The following NOL4 variants were observed in gnomAD, a reference collection of about 807,000 sequenced individuals.
The protein encoded by NOL4 is nucleolar protein 4, also known as cancer/testis antigen 125.
In NOL4, 17 loss-of-function variants were observed where a neutral mutation model predicts 75.9. That is an observed-to-expected ratio of 0.22 (90% CI 0.15 to 0.34). NOL4 has a LOEUF of 0.34. NOL4 is among the 10% of genes least tolerant of loss of function. The pLI, the probability that NOL4 is intolerant of heterozygous loss-of-function variation, is 1.00. For synonymous variants in NOL4, 292 were observed against 289.9 expected, an observed-to-expected ratio of 1.01 and a Z score of -0.07; for missense variants, 614 against 793.5, an observed-to-expected ratio of 0.77 and a Z score of 2.72.
chr18:33,973,497 A>G (rs1188174187), intron 6 of NOL4, among the ~76,000 whole-genome samples: 1 of 152,174 alleles, frequency 6.6e-6, no homozygotes, highest in African/African-American at 2.4e-5. Flanking sequence ...GGAATACTGT[A>G]TTCTTTCCGG....
At chr18:34,141,515 T>C (rs1242924806) in intron 1 of NOL4, among the ~76,000 whole-genome samples, 2 of 152,148 alleles carry the variant, frequency 1.3e-5, no homozygotes, top group Non-Finnish European at 2.9e-5. Context: ...AACAGAGCCC[T>C]CATAAATAAT....
chr18:34,201,475 T>C (rs2035740152), intron 1 of NOL4, among the ~76,000 whole-genome samples: 2 of 151,862 alleles, frequency 1.3e-5, no homozygotes, highest in Admixed American at 1.3e-4. Context: ...AGGAATTATA[T>C]ATCCCAAGAG....
chr18:34,217,143 A>G (rs978072554), intron 1 of NOL4, among the ~76,000 whole-genome samples: 1 of 151,996 alleles, frequency 6.6e-6, no homozygotes, highest in Non-Finnish European at 1.5e-5. Context: ...TTTTCATTTA[A>G]CTTTTTTAAA....
intron 5 of NOL4, among the ~76,000 whole-genome samples, chr18:34,044,091 T>C (rs1473219151): frequency 6.6e-6 from 1 of 152,068 alleles, no homozygotes; most frequent in Non-Finnish European, 1.5e-5. Context: ...CTTAACTCTA[T>C]AAAAAATTGT....
intron 9 of NOL4, among the ~76,000 whole-genome samples, chr18:33,897,373 T>C (rs540938508): frequency 3.9e-5 from 6 of 152,304 alleles, no homozygotes; most frequent in Middle Eastern, 3.4e-3. Flanking sequence ...TAAATGCCCA[T>C]CAATGGCAGG....
chr18:34,022,531 C>T (rs2144509061), intron 5 of NOL4, among the ~76,000 whole-genome samples: 1 of 151,894 alleles, frequency 6.6e-6, no homozygotes, highest in South Asian at 2.1e-4. Context: ...CTTTTTATGC[C>T]AATTCAAATT....
intron 2 of NOL4, among the ~76,000 whole-genome samples, chr18:34,115,300 A>G (rs2079800569): frequency 6.6e-6 from 1 of 152,006 alleles, no homozygotes; most frequent in African/African-American, 2.4e-5. Flanking sequence ...CGAAAGAACT[A>G]CCTTGGGCCA....
rs563231672 is a variant in NOL4, at chr18:33,865,838, T to C, written c.1724-12803A>G. Among the ~76,000 whole-genome samples the C allele has an allele frequency of 3.5e-3, 526 of 152,308 alleles. 4 individuals are homozygous for C. Among genetic ancestry groups the C allele is most frequent in the African/African-American group, 0.012 (509 of 41,582 alleles). ...GTGCTTTCAAACACTTAACTCCTCC[T>C]GATGTCATTAAGTTTACACTTCTCT... On this transcript the variant is annotated intron_variant, in intron 10 of 10. Transcript: ENST00000261592.
At chr18:33,946,257 T>C (rs571522122) in intron 8 of NOL4, among the ~76,000 whole-genome samples, 15 of 151,744 alleles carry the variant, frequency 9.9e-5, no homozygotes, top group South Asian at 2.1e-4. Flanking sequence ...CAAATAGAAA[T>C]CCAGTACCAT....
At chr18:33,904,842 T>C (rs762018480) in intron 9 of NOL4, among the ~76,000 whole-genome samples, 5 of 152,178 alleles carry the variant, frequency 3.3e-5, no homozygotes, top group Admixed American at 1.3e-4. Context: ...CATCTATCCC[T>C]GATTTGAAGA....
At chr18:33,989,228 A>G (rs2072732801) in intron 6 of NOL4, among the ~76,000 whole-genome samples, 1 of 150,194 alleles carries the variant, frequency 6.7e-6, no homozygotes, top group African/African-American at 2.5e-5. Context: ...AATCATTGGC[A>G]AGTCATTCTG....
At chr18:34,180,790 T>C (rs1300949916) in intron 1 of NOL4, among the ~76,000 whole-genome samples, 3 of 151,358 alleles carry the variant, frequency 2.0e-5, no homozygotes, top group Non-Finnish European at 4.4e-5. Context: ...ATACTAGCAA[T>C]GAAAAATCTA....
chr18:34,008,361 C>T (rs1351081656), intron 6 of NOL4, among the ~76,000 whole-genome samples: 1 of 134,530 alleles, frequency 7.4e-6, no homozygotes, highest in Admixed American at 7.9e-5. Flanking sequence ...ATATCACTTT[C>T]TATCTGTCTG....
intron 5 of NOL4, among the ~76,000 whole-genome samples, chr18:34,084,400 G>A (rs1349489670): frequency 1.3e-5 from 2 of 152,172 alleles, no homozygotes; most frequent in Non-Finnish European, 2.9e-5. Context: ...CCCGCCCGTC[G>A]AGGATAAGGA....
intron 9 of NOL4, among the ~76,000 whole-genome samples, chr18:33,916,516 C>T (rs938147301): frequency 6.6e-6 from 1 of 152,008 alleles, no homozygotes; most frequent in Non-Finnish European, 1.5e-5. Flanking sequence ...CAACTCTTAC[C>T]CACTCAGTGA....
At chr18:34,032,986 C>T (rs2075715610) in intron 5 of NOL4, among the ~76,000 whole-genome samples, 1 of 152,154 alleles carries the variant, frequency 6.6e-6, no homozygotes, top group Non-Finnish European at 1.5e-5. Flanking sequence ...GACTACACTA[C>T]CGCACACATC....
intron 5 of NOL4, among the ~76,000 whole-genome samples, chr18:34,088,023 A>T (rs936588634): frequency 9.2e-5 from 14 of 151,770 alleles, no homozygotes; most frequent in African/African-American, 3.4e-4. Flanking sequence ...TATATATATA[A>T]ATTGTTGCAA....
intron 1 of NOL4, among the ~76,000 whole-genome samples, chr18:34,153,454 C>T (rs1265497003): frequency 6.6e-6 from 1 of 151,910 alleles, no homozygotes; most frequent in Non-Finnish European, 1.5e-5. Context: ...AAACACTTTA[C>T]AAGTATTAAC....
At chr18:33,979,931 G>T (rs769588484) in intron 6 of NOL4, among the ~76,000 whole-genome samples, 11 of 151,964 alleles carry the variant, frequency 7.2e-5, no homozygotes, top group Non-Finnish European at 1.6e-4. Context: ...CAATTTTAAT[G>T]AATTACAAGT....
Sources: allele counts gnomAD v4.1 joint callset (sites outside exome capture counted in the v4.1 genomes callset), GRCh38; gene constraint gnomAD v4.1.1; transcripts MANE v1.5; gene names NCBI Gene and HGNC (gene_info 2026-07-23, HGNC 2026-07-21).